Variants in ADAMTS20 observed in about 807,000 individuals in gnomAD.
ADAMTS20 encodes the protein A disintegrin and metalloproteinase with thrombospondin motifs 20.
A neutral mutation model predicts 260.1 loss-of-function variants in ADAMTS20; 225 were observed. That is an observed-to-expected ratio of 0.87 (90% CI 0.78 to 0.97). The LOEUF is 0.97. ADAMTS20 is among the 50% of genes least tolerant of loss of function. The pLI is 0.00. For missense variants in ADAMTS20, 2,400 were observed against 2,337.7 expected (o/e 1.03, Z -0.55); for synonymous variants, 802 against 769.5 (o/e 1.04, Z -0.70).
At chr12:43,543,068 G>A (rs1943397079) in intron 2 of ADAMTS20, among the ~76,000 whole-genome samples, 1 of 152,168 alleles carries the variant, frequency 6.6e-6, no homozygotes, top group African/African-American at 2.4e-5. Flanking sequence ...GGGAGGCTGA[G>A]GCAGGAATGC....
intron 3 of ADAMTS20, among the ~76,000 whole-genome samples, chr12:43,503,189 C>T (rs892919578): frequency 1.3e-5 from 2 of 152,130 alleles, no homozygotes; most frequent in Non-Finnish European, 2.9e-5. Context: ...CTATTTCTCT[C>T]CCCTTCATTT....
intron 3 of ADAMTS20, among the ~76,000 whole-genome samples, chr12:43,514,999 A>G (rs1474090300): frequency 6.6e-6 from 1 of 152,204 alleles, no homozygotes; most frequent in Non-Finnish European, 1.5e-5. Flanking sequence ...CTATTTTCAG[A>G]TGAGCCTTCA....
intron 28 of ADAMTS20, among the ~76,000 whole-genome samples, chr12:43,413,597 G>A (rs1321307290): frequency 6.6e-6 from 1 of 152,076 alleles, no homozygotes; most frequent in Non-Finnish European, 1.5e-5. Flanking sequence ...AAAATAATGT[G>A]ACAATCATGT....
At position 43,356,489 on chromosome 12, in the gene ADAMTS20, A is replaced by G. The variant is rs1939745592; in HGVS notation, c.5638T>C (p.Ser1880Pro). 6.2e-7 allele frequency: 1 copy of G among 1,601,902 alleles called. No individual in the cohort carries two copies. Among genetic ancestry groups the G allele is most frequent in the African/African-American group, 1.3e-5 (1 of 74,748 alleles). The change falls in exon 38 of 39, where the codon TCA becomes CCA. Residue 1880 changes from serine to proline, a missense_variant. Coordinates refer to ENST00000389420, the MANE Select transcript of ADAMTS20 (RefSeq NM_025003.5). ...TTTGGTCCCGCAGGACTTACCTCTG[A>G]TCTTCGTATGCTGACAGAGGTATAA... ...GSYTSVSIRR[S>P]EDGTRFFGKC...
At chr12:43,499,622 A>T (rs565135718) in intron 4 of ADAMTS20, among the ~76,000 whole-genome samples, 4 of 151,700 alleles carry the variant, frequency 2.6e-5, no homozygotes, top group African/African-American at 7.3e-5. Flanking sequence ...CTCCTGCCTC[A>T]GCCTCCCGAG....
intron 7 of ADAMTS20, among the ~76,000 whole-genome samples, chr12:43,481,599 GAATT>G (rs1181703821): frequency 6.6e-6 from 1 of 152,102 alleles, no homozygotes; most frequent in East Asian, 1.9e-4. Flanking sequence ...GAAACTATGA[GAATT>G]AATTAAAGTG....
intron 16 of ADAMTS20, among the ~76,000 whole-genome samples, chr12:43,441,937 G>A (rs1442025965): frequency 1.3e-5 from 2 of 152,104 alleles, no homozygotes; most frequent in South Asian, 4.1e-4. Context: ...TGAATTCAGT[G>A]AGGAACAAAC....
chr12:43,474,160 A>C (rs1942311869), intron 7 of ADAMTS20, among the ~76,000 whole-genome samples: 1 of 149,036 alleles, frequency 6.7e-6, no homozygotes, highest in Non-Finnish European at 1.5e-5. Context: ...AGGGGATATC[A>C]CCACTGATCC....
chr12:43,512,005 T>C (rs1004052800), intron 3 of ADAMTS20, among the ~76,000 whole-genome samples: 1 of 152,012 alleles, frequency 6.6e-6, no homozygotes, highest in African/African-American at 2.4e-5. Context: ...TTATATGCCC[T>C]ATGTTGCCAC....
At chr12:43,412,925 C>A (rs927308056) in intron 28 of ADAMTS20, among the ~76,000 whole-genome samples, 1 of 150,910 alleles carries the variant, frequency 6.6e-6, no homozygotes, top group South Asian at 2.1e-4. Flanking sequence ...ATTCTCCTGC[C>A]GCAGCCTCCC....
chr12:43,354,445 T>C (rs1939701679), intron 38 of ADAMTS20, 147 bp from the exon 39 acceptor site: 1 of 592,974 alleles, frequency 1.7e-6, no homozygotes, highest in Non-Finnish European at 3.0e-6. Flanking sequence ...TCAAAGATCA[T>C]ATGCCTTTTG....
chr12:43,391,039 G>T (rs1342148471), intron 29 of ADAMTS20, among the ~76,000 whole-genome samples: 3 of 152,106 alleles, frequency 2.0e-5, no homozygotes, highest in African/African-American at 7.2e-5. Context: ...ATAAACAACA[G>T]AAATTTATTT....
chr12:43,444,984 T>C (rs1941734362), intron 15 of ADAMTS20, among the ~76,000 whole-genome samples: 1 of 152,206 alleles, frequency 6.6e-6, no homozygotes, highest in East Asian at 1.9e-4. Context: ...TTGTAGGTTA[T>C]TGACCTACAA....
intron 4 of ADAMTS20, among the ~76,000 whole-genome samples, chr12:43,495,060 C>T (rs1477574101): frequency 6.6e-6 from 1 of 152,096 alleles, no homozygotes; most frequent in Non-Finnish European, 1.5e-5. Context: ...AGTATTTTGA[C>T]TATGAATGAA....
At chr12:43,470,728 A>G (rs959492366) in intron 7 of ADAMTS20, among the ~76,000 whole-genome samples, 1 of 152,254 alleles carries the variant, frequency 6.6e-6, no homozygotes, top group Non-Finnish European at 1.5e-5. Context: ...GACTGAGGCA[A>G]CAATAAACGT....
chr12:43,494,120 G>A (rs966650919), intron 4 of ADAMTS20, among the ~76,000 whole-genome samples: 4 of 152,130 alleles, frequency 2.6e-5, no homozygotes, highest in Non-Finnish European at 5.9e-5. Flanking sequence ...CTGGATCTGG[G>A]CTACCTGTGC....
intron 37 of ADAMTS20, among the ~76,000 whole-genome samples, chr12:43,360,704 A>G (rs1218502416): frequency 6.6e-6 from 1 of 152,186 alleles, no homozygotes; most frequent in Non-Finnish European, 1.5e-5. Flanking sequence ...GACACAACCT[A>G]ATAATAGGAA....
At position 43,434,185 on chromosome 12, in the gene ADAMTS20, G is replaced by A. The variant is rs1436004339; in HGVS notation, c.2720+60C>T. 2.7e-6 allele frequency: 4 copies of A among 1,487,886 alleles called. No individual in the cohort carries two copies. The East Asian group carries it at 7.4e-5, about 28-fold the overall frequency. The allele number at this position is 1,487,886 out of a possible 1,614,324, so 92.2% of individuals were successfully genotyped here. A position where few individuals can be genotyped will look rare whatever the true frequency, so the allele number is the denominator to read the frequency against. The stretch of plus-strand genomic sequence containing the variant: ...CCATGCTGTGTCAGTCACTGTGTTA[G>A]ACATTTTAATCTTAGCTCACTTATT... On this transcript the variant is annotated intron_variant, in intron 19 of 38. Coordinates refer to ENST00000389420, the MANE Select transcript of ADAMTS20 (RefSeq NM_025003.5).
At chr12:43,531,268 T>C (rs1943216710) in intron 3 of ADAMTS20, among the ~76,000 whole-genome samples, 1 of 152,054 alleles carries the variant, frequency 6.6e-6, no homozygotes, top group Admixed American at 6.6e-5. Context: ...GTTAAAACCA[T>C]GCAAAATTGA....
Sources: allele counts gnomAD v4.1 joint callset (sites outside exome capture counted in the v4.1 genomes callset), GRCh38; gene constraint gnomAD v4.1.1; transcripts MANE v1.5; gene names NCBI Gene and HGNC (gene_info 2026-07-23, HGNC 2026-07-21).